The following EPHA5 variants were observed in gnomAD, a reference collection of about 807,000 sequenced individuals.
EPHA5 encodes the protein EPH receptor A5.
A neutral mutation model predicts 105.0 loss-of-function variants in EPHA5; 60 were observed. The ratio of observed to expected loss-of-function variants is 0.57; its 90% CI spans 0.46 to 0.71. EPHA5 has a LOEUF of 0.71. Among genes scored for constraint, EPHA5 ranks in the 30% least tolerant of loss-of-function variants. The probability of loss-of-function intolerance (pLI) is 0.00; values close to 1 mark genes in which losing one functional copy is unlikely to be tolerated. For synonymous variants in EPHA5, 513 were observed against 449.1 expected, an observed-to-expected ratio of 1.14 and a Z score of -1.80; for missense variants, 1,218 against 1,274.7, an observed-to-expected ratio of 0.96 and a Z score of 0.68.
At chr4:65,669,290 C>T in intron 1 of EPHA5, 9 of 711,764 alleles carry the variant, frequency 1.3e-5, no homozygotes, top group Non-Finnish European at 1.6e-5. Context: ...ACCTCCTTTC[C>T]CCCAAGGTTT....
At chr4:65,428,679 G>T (rs997840447) in intron 5 of EPHA5, among the ~76,000 whole-genome samples, 8 of 151,892 alleles carry the variant, frequency 5.3e-5, no homozygotes, top group African/African-American at 1.7e-4. Context: ...GTATAGTTTG[G>T]TTTTTTTCAA....
intron 5 of EPHA5, among the ~76,000 whole-genome samples, chr4:65,455,063 C>T (rs113381223): frequency 0.25 from 38,506 of 151,706 alleles, 5,295 homozygotes; most frequent in Middle Eastern, 0.35. Context: ...GAAACCCTGT[C>T]TCTACTAAAA....
intron 1 of EPHA5, among the ~76,000 whole-genome samples, chr4:65,650,734 T>A (rs181674386): frequency 6.6e-6 from 1 of 152,176 alleles, no homozygotes; most frequent in East Asian, 1.9e-4. Context: ...ACCAGTCCAG[T>A]TAAATCCTTG....
intron 5 of EPHA5, among the ~76,000 whole-genome samples, chr4:65,432,149 T>G (rs139249356): frequency 6.6e-6 from 1 of 152,184 alleles, no homozygotes. Flanking sequence ...AGTTTAATGA[T>G]TAACTGTACA....
chr4:65,626,995 GCCT>G (rs1746215029), intron 2 of EPHA5, among the ~76,000 whole-genome samples: 1 of 152,164 alleles, frequency 6.6e-6, no homozygotes, highest in African/African-American at 2.4e-5. Flanking sequence ...TGTGGAACAT[GCCT>G]GATCTGGCCA....
intron 3 of EPHA5, among the ~76,000 whole-genome samples, chr4:65,533,909 G>T (rs905055091): frequency 1.3e-5 from 2 of 151,248 alleles, no homozygotes; most frequent in Non-Finnish European, 2.9e-5. Context: ...CTCCAGCCTG[G>T]GTGACAGAGT....
At chr4:65,632,959 T>C (rs1478028147) in intron 2 of EPHA5, among the ~76,000 whole-genome samples, 2 of 151,964 alleles carry the variant, frequency 1.3e-5, no homozygotes, top group South Asian at 2.1e-4. Flanking sequence ...GAATCATTTG[T>C]AGAGTTAAGA....
intron 3 of EPHA5, among the ~76,000 whole-genome samples, chr4:65,574,717 TATAC>T (rs1436424017): frequency 4.2e-5 from 3 of 72,268 alleles, no homozygotes; most frequent in Non-Finnish European, 9.1e-5. Context: ...TACATATATA[TATAC>T]ATATATATAC....
intron 3 of EPHA5, among the ~76,000 whole-genome samples, chr4:65,593,074 T>G (rs534089804): frequency 6.6e-6 from 1 of 152,302 alleles, no homozygotes; most frequent in East Asian, 1.9e-4. Context: ...TACTTGTCTG[T>G]TGTTTGACTT....
chr4:65,526,886 A>G (rs977439363), intron 3 of EPHA5, among the ~76,000 whole-genome samples: 1 of 152,014 alleles, frequency 6.6e-6, no homozygotes, highest in Non-Finnish European at 1.5e-5. Context: ...GATCTTAGTG[A>G]TAAATTTCCA....
At chr4:65,496,087 C>T (rs1731904252) in intron 3 of EPHA5, among the ~76,000 whole-genome samples, 1 of 152,036 alleles carries the variant, frequency 6.6e-6, no homozygotes, top group South Asian at 2.1e-4. Context: ...TTAAGGGAGT[C>T]ACATTTTTGA....
intron 4 of EPHA5, among the ~76,000 whole-genome samples, chr4:65,492,928 A>G (rs1731554371): frequency 6.6e-6 from 1 of 152,108 alleles, no homozygotes; most frequent in Non-Finnish European, 1.5e-5. Context: ...AAAAAATTAC[A>G]GGATTAACCT....
At chr4:65,361,144 T>C (rs1209044576) in intron 11 of EPHA5, among the ~76,000 whole-genome samples, 1 of 151,660 alleles carries the variant, frequency 6.6e-6, no homozygotes, top group African/African-American at 2.4e-5. Flanking sequence ...TACTCCAATG[T>C]AGAACTGGGA....
At chr4:65,373,216 T>C (rs193014582) in intron 8 of EPHA5, among the ~76,000 whole-genome samples, 45 of 152,036 alleles carry the variant, frequency 3.0e-4, no homozygotes, top group Admixed American at 2.4e-3. Flanking sequence ...ATAGATAGTT[T>C]GGAGCAGTTC....
At chr4:65,582,840 G>T (rs1741767752) in intron 3 of EPHA5, among the ~76,000 whole-genome samples, 1 of 151,654 alleles carries the variant, frequency 6.6e-6, no homozygotes, top group African/African-American at 2.4e-5. Context: ...AATTCTTGCT[G>T]GTTGGCTATC....
At chr4:65,557,194 G>A (rs977411157) in intron 3 of EPHA5, among the ~76,000 whole-genome samples, 1 of 131,662 alleles carries the variant, frequency 7.6e-6, no homozygotes, top group Non-Finnish European at 1.6e-5. Flanking sequence ...AGCAGCTGTG[G>A]GTTGTGGCTG....
chr4:65,654,996 A>T (rs777363839), intron 1 of EPHA5, among the ~76,000 whole-genome samples: 1 of 150,454 alleles, frequency 6.6e-6, no homozygotes, highest in Non-Finnish European at 1.5e-5. Context: ...ATCAGTGGTT[A>T]TGTCATTGAA....
chr4:65,348,484 G>A (rs1382080222), intron 13 of EPHA5, among the ~76,000 whole-genome samples: 5 of 151,452 alleles, frequency 3.3e-5, no homozygotes, highest in African/African-American at 1.2e-4. Context: ...GTAAGGGAAA[G>A]CAGGCAGTCA....
At chr4:65,578,332 G>A (rs1208266295) in intron 3 of EPHA5, among the ~76,000 whole-genome samples, 1 of 152,112 alleles carries the variant, frequency 6.6e-6, no homozygotes, top group African/African-American at 2.4e-5. Context: ...AAAAATGATG[G>A]TTATGGGTTT....
Sources: allele counts gnomAD v4.1 joint callset (sites outside exome capture counted in the v4.1 genomes callset), GRCh38; gene constraint gnomAD v4.1.1; transcripts MANE v1.5; gene names NCBI Gene and HGNC (gene_info 2026-07-23, HGNC 2026-07-21).